The following TXNRD2 variants were observed in gnomAD, a reference collection of about 807,000 sequenced individuals.
TXNRD2 encodes thioredoxin reductase 2, mitochondrial.
A neutral mutation model predicts 70.8 loss-of-function variants in TXNRD2; 67 were observed. The observed-to-expected ratio is 0.95, with a 90% confidence interval of 0.78 to 1.16. TXNRD2 has a LOEUF of 1.16. TXNRD2 is among the 50% of genes most tolerant of loss of function. The probability of loss-of-function intolerance (pLI) is 0.00; values close to 1 mark genes in which losing one functional copy is unlikely to be tolerated. For missense variants in TXNRD2, 644 were observed against 719.9 expected, an observed-to-expected ratio of 0.89 and a Z score of 1.21; for synonymous variants, 301 against 295.8, an observed-to-expected ratio of 1.02 and a Z score of -0.18.
chr22:19,886,320 C>A (rs1939032141), intron 11 of TXNRD2, among the ~76,000 whole-genome samples: 1 of 152,232 alleles, frequency 6.6e-6, no homozygotes, highest in South Asian at 2.1e-4. Context: ...AGGCCCTGAG[C>A]CCCACTATGG....
At chr22:19,932,815 T>G (rs1304508845) in intron 1 of TXNRD2, among the ~76,000 whole-genome samples, 1 of 152,180 alleles carries the variant, frequency 6.6e-6, no homozygotes, top group African/African-American at 2.4e-5. Context: ...CATACAAGGC[T>G]GGGCAACCTG....
At chr22:19,930,123 G>A (rs1021044045) in intron 2 of TXNRD2, among the ~76,000 whole-genome samples, 13 of 152,130 alleles carry the variant, frequency 8.5e-5, no homozygotes, top group South Asian at 2.1e-4. Flanking sequence ...GTGCCTCTGC[G>A]GATCCCCAAT....
intron 11 of TXNRD2, chr22:19,894,969 CAAAAAAAAAA>C: frequency 7.9e-7 from 1 of 1,271,624 alleles, no homozygotes; most frequent in Non-Finnish European, 1.0e-6. Flanking sequence ...GACTCCATCT[CAAAAAAAAAA>C]AAAAAAAGAA....
intron 8 of TXNRD2, among the ~76,000 whole-genome samples, chr22:19,900,472 C>T (rs558184237): frequency 6.6e-6 from 1 of 152,274 alleles, no homozygotes; most frequent in South Asian, 2.1e-4. Flanking sequence ...AAGTTATGGC[C>T]AGGTGCGGTG....
intron 8 of TXNRD2, 137 bp downstream of exon 8, chr22:19,911,240 A>T (rs2146024531): frequency 1.3e-6 from 1 of 757,272 alleles, no homozygotes; most frequent in East Asian, 2.7e-5. Context: ...CTGGCCACAA[A>T]TAACAGGCCT....
chr22:19,911,446 A>G lies in TXNRD2; in HGVS notation c.593T>C (p.Ile198Thr). The change falls in exon 8 of 18, where the codon ATC becomes ACC. Residue 198 changes from isoleucine (I) to threonine (T), a missense_variant and splice_region_variant. Transcript: ENST00000400521. ...TGGRPRYPTHIEGALEYGITS... is the reference protein window; with the variant it reads ...TGGRPRYPTHTEGALEYGITS... Reference sequence around the variant, plus strand: ...GATTCCATATTCCAAGGCACCTTCGATCTGTCAAGACAGAAATGACCCCTT... The same window carrying G: ...GATTCCATATTCCAAGGCACCTTCGGTCTGTCAAGACAGAAATGACCCCTT... 2.5e-6 allele frequency: 4 copies of G among 1,613,430 alleles called. No homozygotes were observed. Among genetic ancestry groups the G allele is most frequent in the South Asian group, 1.1e-5 (1 of 91,062 alleles).
chr22:19,883,259 G>C (rs1339630324), intron 12 of TXNRD2, 66 bp downstream of exon 12: 1 of 1,582,578 alleles, frequency 6.3e-7, no homozygotes, highest in Non-Finnish European at 8.6e-7. Context: ...AGCAGCCGGA[G>C]CCCAGCGAGC....
At chr22:19,895,255 A>T (rs1939447577) in intron 11 of TXNRD2, 152 bp downstream of exon 11, 1 of 1,594,842 alleles carries the variant, frequency 6.3e-7, no homozygotes, top group Admixed American at 1.7e-5. Flanking sequence ...ACAGGCCTTC[A>T]CGGTTGCTCT....
At chr22:19,941,526 TGTGGCTAGAAGCAGCCCGG>T in intron 1 of TXNRD2, 156 bp downstream of exon 1, 1 of 1,154,232 alleles carries the variant, frequency 8.7e-7, no homozygotes, top group Non-Finnish European at 1.1e-6. Flanking sequence ...GGGGGCTACT[TGTGGCTAGAAGCAGCCCGG>T]ACTCCTGAGC....
chr22:19,880,063 T>A, intron 14 of TXNRD2, 116 bp downstream of exon 14: 1 of 1,096,168 alleles, frequency 9.1e-7, no homozygotes, highest in Non-Finnish European at 1.4e-6. Context: ...CAGCCACTGC[T>A]CAGGGCCCCT....
Position 19,915,285 on chromosome 22 carries a change from A to G in TXNRD2, c.529-9T>C, listed in dbSNP as rs747744206. The G allele has an allele frequency of 6.2e-7, 1 of 1,612,858 alleles. No individual in the cohort carries two copies. Among genetic ancestry groups the G allele is most frequent in the South Asian group, 1.1e-5 (1 of 90,678 alleles). ...TCGGCTGACAGCAGAATCTGAGGAGAAAAAGAGAAAGCCGTGGGTCAGACA... is the reference window on the plus strand; with the variant it reads ...TCGGCTGACAGCAGAATCTGAGGAGGAAAAGAGAAAGCCGTGGGTCAGACA... On this transcript the variant is annotated splice_polypyrimidine_tract_variant and intron_variant, in intron 6 of 17. Transcript: ENST00000400521.
chr22:19,880,252 G>T lies in TXNRD2; in HGVS notation c.1202C>A (p.Thr401Asn). The change falls in exon 14 of 18, where the codon ACC becomes AAC. Residue 401 changes from threonine to asparagine, a missense_variant. Around this residue, in one of 3 missense-constraint regions of TXNRD2, gnomAD observed 566 missense variants for 645.0 expected, o/e 0.88. Coordinates refer to ENST00000400521, the MANE Select transcript of TXNRD2 (RefSeq NM_006440.5). ...CCCCACACAGCCATACTCCAGCGGGGTGAAGACGGTCGTGGGAACCTGAAA... is the reference window on the plus strand; with the variant it reads ...CCCCACACAGCCATACTCCAGCGGGTTGAAGACGGTCGTGGGAACCTGAAA... ...DYDNVPTTVF[T>N]PLEYGCVGLS... 1 of 1,613,676 alleles carries T rather than the reference G, an allele frequency of 6.2e-7. No individual in the cohort carries two copies. The highest frequency in any genetic ancestry group is 8.5e-7 in the Non-Finnish European group (1 of 1,180,014).
intron 8 of TXNRD2, among the ~76,000 whole-genome samples, chr22:19,903,863 G>A (rs1292125759): frequency 1.3e-5 from 2 of 152,190 alleles, no homozygotes; most frequent in Non-Finnish European, 2.9e-5. Context: ...TTGGGGTCAC[G>A]TGCCCCTCCG....
chr22:19,916,638 C>A (rs1052943314), intron 5 of TXNRD2, among the ~76,000 whole-genome samples: 1 of 139,562 alleles, frequency 7.2e-6, no homozygotes, highest in Non-Finnish European at 1.6e-5. Flanking sequence ...CACCGCGCCC[C>A]ACCCTTTTTT....
intron 2 of TXNRD2, among the ~76,000 whole-genome samples, chr22:19,922,590 T>C (rs573250123): frequency 5.9e-4 from 90 of 152,340 alleles, no homozygotes; most frequent in Non-Finnish European, 1.0e-3. Context: ...TCTCTCTCCT[T>C]CGACTCCAGG....
intron 2 of TXNRD2, among the ~76,000 whole-genome samples, chr22:19,927,123 G>A (rs559375247): frequency 2.6e-5 from 4 of 151,760 alleles, no homozygotes; most frequent in African/African-American, 4.8e-5. Context: ...GTGAAACCCC[G>A]TCTCTACTAA....
chr22:19,932,301 T>A, intron 1 of TXNRD2: 1 of 1,611,860 alleles, frequency 6.2e-7, no homozygotes, highest in Non-Finnish European at 8.5e-7. Context: ...GAGAGCTGCC[T>A]GGGCTCAGGT....
At chr22:19,904,319 T>C (rs1939908960) in intron 8 of TXNRD2, among the ~76,000 whole-genome samples, 1 of 152,228 alleles carries the variant, frequency 6.6e-6, no homozygotes, top group Non-Finnish European at 1.5e-5. Context: ...TATGGCCCCA[T>C]TTTGCCAGCA....
chr22:19,904,415 C>T (rs1939913334), intron 8 of TXNRD2, among the ~76,000 whole-genome samples: 2 of 152,262 alleles, frequency 1.3e-5, no homozygotes, highest in South Asian at 4.1e-4. Flanking sequence ...GCCATCTGTC[C>T]AGCCCTGGGC....
Sources: allele counts gnomAD v4.1 joint callset (sites outside exome capture counted in the v4.1 genomes callset), GRCh38; gene constraint gnomAD v4.1.1; regional missense constraint gnomAD v4.1.1; transcripts MANE v1.5; gene names NCBI Gene and HGNC (gene_info 2026-07-23, HGNC 2026-07-21).